Variants in CLCN5 observed in about 807,000 individuals in gnomAD.
The protein encoded by CLCN5 is H(+)/Cl(-) exchange transporter 5.
A neutral mutation model predicts 54.0 loss-of-function variants in CLCN5; 17 were observed. The ratio of observed to expected loss-of-function variants is 0.31; its 90% CI spans 0.22 to 0.47. The LOEUF is 0.47. Among genes scored for constraint, CLCN5 ranks in the 20% least tolerant of loss-of-function variants. The probability of loss-of-function intolerance (pLI) is 1.00; values close to 1 mark genes in which losing one functional copy is unlikely to be tolerated. For synonymous variants in CLCN5, 222 were observed against 233.0 expected, an observed-to-expected ratio of 0.95 and a Z score of 0.43; for missense variants, 448 against 646.7, an observed-to-expected ratio of 0.69 and a Z score of 3.33.
At chrX:50,048,565 A>AT (rs1300113985) in intron 4 of CLCN5, among the ~76,000 whole-genome samples, 2 of 112,403 alleles carry the variant, frequency 1.8e-5, no homozygotes, top group African/African-American at 6.5e-5. Flanking sequence ...CCATTACTAC[A>AT]TTTTGTTGGT....
intron 3 of CLCN5, among the ~76,000 whole-genome samples, chrX:49,953,357 G>A (rs1927152289): frequency 8.9e-6 from 1 of 111,948 alleles, no homozygotes; most frequent in Non-Finnish European, 1.9e-5. Flanking sequence ...CCAAGCTGGA[G>A]TATAGTGGTG....
intron 4 of CLCN5, among the ~76,000 whole-genome samples, chrX:50,052,833 A>G (rs1839649694): frequency 8.9e-6 from 1 of 112,075 alleles, no homozygotes; most frequent in Non-Finnish European, 1.9e-5. Flanking sequence ...TCTCACCACA[A>G]AAAATAAGCA....
chrX:49,983,347 A>G (rs782458777), intron 3 of CLCN5, among the ~76,000 whole-genome samples: 2 of 111,705 alleles, frequency 1.8e-5, no homozygotes, highest in South Asian at 3.7e-4. Context: ...TTATTTTTTT[A>G]CTAACACGAT....
At chrX:49,950,043 T>G (rs1557172782) in intron 3 of CLCN5, among the ~76,000 whole-genome samples, 1 of 112,101 alleles carries the variant, frequency 8.9e-6, no homozygotes, top group African/African-American at 3.2e-5. Context: ...TGTTACTTTT[T>G]CACTTGGTGA....
rs183688678 is a variant in CLCN5 at position 49,945,999 on chromosome X, C to T, written c.16+20685C>T. Among the ~76,000 whole-genome samples, 946 of 108,483 alleles carry T rather than the reference C, an allele frequency of 8.7e-3. 9 individuals are homozygous for T. Among genetic ancestry groups the T allele is most frequent in the Middle Eastern group, 0.04 (8 of 201 alleles). The allele number at this position is 108,483 out of a possible 115,157, so 94.2% of individuals were successfully genotyped here. On this transcript the variant is annotated intron_variant, in intron 3 of 14. Coordinates refer to ENST00000376091, the MANE Select transcript of CLCN5 (RefSeq NM_001127898.4). ...CTTGAACTCCTGAGCTCAAGCAATCCGCCCACCTCGGCCTCCCAAAGTGCT... is the reference window on the plus strand; with the variant it reads ...CTTGAACTCCTGAGCTCAAGCAATCTGCCCACCTCGGCCTCCCAAAGTGCT...
chrX:50,064,112 C>A (rs1194022515), intron 4 of CLCN5, among the ~76,000 whole-genome samples: 4 of 106,791 alleles, frequency 3.7e-5, no homozygotes, highest in South Asian at 4.3e-4. Context: ...GACAGGGATG[C>A]CCTCTCTCAC....
At chrX:50,057,870 G>A (rs1483552090) in intron 4 of CLCN5, among the ~76,000 whole-genome samples, 4 of 110,660 alleles carry the variant, frequency 3.6e-5, no homozygotes, top group African/African-American at 6.6e-5. Context: ...AGACAAATAG[G>A]TGAAATGGGA....
intron 4 of CLCN5, among the ~76,000 whole-genome samples, chrX:50,066,552 G>A (rs1383589710): frequency 2.7e-5 from 3 of 112,154 alleles, no homozygotes; most frequent in Admixed American, 9.5e-5. Context: ...TGTCCTTTGG[G>A]TTCCCTTAGG....
At chrX:50,088,058 C>CTTG (rs1483213790) in intron 11 of CLCN5, among the ~76,000 whole-genome samples, 1 of 112,150 alleles carries the variant, frequency 8.9e-6, no homozygotes, top group Non-Finnish European at 1.9e-5. Context: ...GATACTGTTA[C>CTTG]AAAATAGACT....
chrX:50,051,374 G>A (rs1557188344), intron 4 of CLCN5, among the ~76,000 whole-genome samples: 1 of 111,643 alleles, frequency 9.0e-6, no homozygotes, highest in Non-Finnish European at 1.9e-5. Context: ...TGTTCTCTTC[G>A]TCTATGCATC....
chrX:49,983,834 G>A (rs936352177), intron 3 of CLCN5, among the ~76,000 whole-genome samples: 4 of 109,491 alleles, frequency 3.7e-5, no homozygotes, highest in African/African-American at 9.9e-5. Context: ...TATAATTTGC[G>A]CCTTTGTTGA....
At chrX:49,998,873 A>G (rs1929658757) in intron 3 of CLCN5, among the ~76,000 whole-genome samples, 1 of 111,147 alleles carries the variant, frequency 9.0e-6, no homozygotes, top group Non-Finnish European at 1.9e-5. Context: ...ACACACACAC[A>G]CACAGTCTGA....
chrX:50,009,342 C>T (rs1930370039), intron 3 of CLCN5, among the ~76,000 whole-genome samples: 1 of 111,954 alleles, frequency 8.9e-6, no homozygotes, highest in South Asian at 3.7e-4. Flanking sequence ...TCTCAGTGAG[C>T]TTATAGTTTA....
intron 4 of CLCN5, among the ~76,000 whole-genome samples, chrX:50,046,202 C>G (rs1215202523): frequency 8.9e-6 from 1 of 112,544 alleles, no homozygotes; most frequent in Non-Finnish European, 1.9e-5. Context: ...GGACTGTTCT[C>G]ATAGTCCATC....
intron 3 of CLCN5, among the ~76,000 whole-genome samples, chrX:49,946,742 T>TG (rs1489022233): frequency 1.8e-5 from 2 of 111,589 alleles, no homozygotes; most frequent in Non-Finnish European, 3.8e-5. Context: ...TGGGCGTCAT[T>TG]GGGGGTCACC....
chrX:50,075,674 C>T (rs782456935), intron 6 of CLCN5, 121 bp from the exon 7 acceptor site: 4 of 609,575 alleles, frequency 6.6e-6, no homozygotes, highest in African/African-American at 4.4e-5. Flanking sequence ...GAAGTATGTG[C>T]TTATCTGTTA....
chrX:49,992,755 T>G (rs1293124951), intron 3 of CLCN5, among the ~76,000 whole-genome samples: 1 of 111,850 alleles, frequency 8.9e-6, no homozygotes, highest in Non-Finnish European at 1.9e-5. Context: ...TTAATGCAAG[T>G]AATTTACTTA....
chrX:50,067,675 A>G, intron 4 of CLCN5: 3 of 754,068 alleles, frequency 4.0e-6, no homozygotes, highest in Non-Finnish European at 4.7e-6. Flanking sequence ...CTTCTTTTGT[A>G]AAAGCTCCCC....
chrX:50,007,304 T>C (rs1930200748), intron 3 of CLCN5, among the ~76,000 whole-genome samples: 1 of 111,162 alleles, frequency 9.0e-6, no homozygotes, highest in African/African-American at 3.3e-5. Flanking sequence ...CATGTGAGCA[T>C]ACAGGGACAG....
Sources: allele counts gnomAD v4.1 joint callset (sites outside exome capture counted in the v4.1 genomes callset), GRCh38; gene constraint gnomAD v4.1.1; transcripts MANE v1.5; gene names NCBI Gene and HGNC (gene_info 2026-07-23, HGNC 2026-07-21).